IL1RAPL1: variants seen among roughly 807,000 people sequenced by gnomAD.
IL1RAPL1 encodes the protein interleukin-1 receptor accessory protein-like 1.
Under a neutral mutation model 48.4 loss-of-function variants are expected in IL1RAPL1, and 3 were observed. That is an observed-to-expected ratio of 0.06 (90% CI 0.03 to 0.16). IL1RAPL1 has a LOEUF of 0.16. IL1RAPL1 is among the 10% of genes least tolerant of loss of function. IL1RAPL1 has a pLI of 1.00. For synonymous variants in IL1RAPL1, 185 were observed against 187.7 expected (o/e 0.99, Z 0.12); for missense variants, 349 against 530.6 (o/e 0.66, Z 3.36).
chrX:29,582,348 TC>T (rs202181141), intron 5 of IL1RAPL1, among the ~76,000 whole-genome samples: 228 of 74,421 alleles, frequency 3.1e-3, no homozygotes, highest in South Asian at 0.02. Flanking sequence ...AAAGATAGCA[TC>T]TTTTTTTTTT....
At position 29,932,389 on chromosome X, in the gene IL1RAPL1, G is replaced by T. The variant is rs190817574; in HGVS notation, c.1058-9262G>T. On this transcript the variant is annotated intron_variant, in intron 8 of 10. Coordinates refer to ENST00000378993, the MANE Select transcript of IL1RAPL1 (RefSeq NM_014271.4). ...GTACTGACCTAACTTTGCGAAACCT[G>T]GTTTAATGGGTTCCATGAATCCGCA... Among the ~76,000 whole-genome samples the T allele has an allele frequency of 3.1e-4, 35 of 112,112 alleles. No individual in the cohort carries two copies. The East Asian group carries it at 3.6e-3, about 12-fold the overall frequency.
chrX:29,906,513 ATATATAT>A (rs1236760435), intron 6 of IL1RAPL1, among the ~76,000 whole-genome samples: 3 of 37,261 alleles, frequency 8.1e-5, no homozygotes, highest in Non-Finnish European at 1.4e-4. Context: ...ATATATATAT[ATATATAT>A]ATTTCTGTAG....
At chrX:28,757,395 T>G (rs144093058) in intron 1 of IL1RAPL1, among the ~76,000 whole-genome samples, 218 of 112,676 alleles carry the variant, frequency 1.9e-3, no homozygotes, top group African/African-American at 6.7e-3. Context: ...AATCACAGCT[T>G]GATTTATTTC....
At chrX:28,948,734 T>G (rs913519539) in intron 2 of IL1RAPL1, among the ~76,000 whole-genome samples, 4 of 111,302 alleles carry the variant, frequency 3.6e-5, no homozygotes, top group Non-Finnish European at 7.5e-5. Flanking sequence ...CCTCCTTATC[T>G]GCATGATACA....
rs147549557 is a variant in IL1RAPL1, at chrX:28,763,971, C to T, written c.-24-25349C>T. 6.3e-3 allele frequency among the ~76,000 whole-genome samples: 691 copies of T among 110,288 alleles called. 9 individuals carry two copies. The highest frequency in any genetic ancestry group is 0.022 in the African/African-American group (669 of 30,244). On this transcript the variant is annotated intron_variant, in intron 1 of 10. Transcript: ENST00000378993. ...TATCTCAAGGATAATTTTGAGTATG[C>T]CCTATTTTCATATTTCATACCAATT...
chrX:29,289,044 T>C (rs755505019), intron 3 of IL1RAPL1, among the ~76,000 whole-genome samples: 2 of 112,157 alleles, frequency 1.8e-5, no homozygotes, highest in Non-Finnish European at 3.8e-5. Flanking sequence ...TTAAGTTCCT[T>C]GTAGACTCTG....
Position 28,835,560 on chromosome X carries a change from A to G in IL1RAPL1, c.82+46135A>G, listed in dbSNP as rs186001276. On this transcript the variant is annotated intron_variant, in intron 2 of 10. Transcript: ENST00000378993. ...AATTCTATGTTTTGAAAGCTTTTATAGAGGAATGACAAAATCAGAGCTTTA... is the reference window on the plus strand; with the variant it reads ...AATTCTATGTTTTGAAAGCTTTTATGGAGGAATGACAAAATCAGAGCTTTA... Among the ~76,000 whole-genome samples the G allele has an allele frequency of 3.6e-5, 4 of 111,460 alleles. No homozygotes were observed. In the Admixed American group the frequency reaches 3.8e-4, roughly 11 times the overall value.
At chrX:29,670,450 A>G (rs190370724) in intron 6 of IL1RAPL1, among the ~76,000 whole-genome samples, 41 of 111,981 alleles carry the variant, frequency 3.7e-4, no homozygotes, top group Middle Eastern at 4.7e-3. Flanking sequence ...TATTTTAAGC[A>G]ACTTTTATTT....
chrX:29,619,349 A>G (rs1204604001), intron 5 of IL1RAPL1, among the ~76,000 whole-genome samples: 1 of 111,605 alleles, frequency 9.0e-6, no homozygotes, highest in Non-Finnish European at 1.9e-5. Flanking sequence ...CCCAACCCCA[A>G]TAATCATTTC....
At chrX:29,954,479 T>C (rs759458437) in intron 9 of IL1RAPL1, 43 bp from the exon 10 acceptor site, 10 of 1,073,121 alleles carry the variant, frequency 9.3e-6, no homozygotes, top group Admixed American at 2.2e-5. Context: ...TTGTTATCTT[T>C]GTAGAGTAGT....
intron 6 of IL1RAPL1, among the ~76,000 whole-genome samples, chrX:29,763,214 CTT>C (rs1337998823): frequency 9.0e-6 from 1 of 110,579 alleles, no homozygotes; most frequent in African/African-American, 3.3e-5. Flanking sequence ...CTCTTACTCT[CTT>C]TTGGCATTGA....
chrX:28,688,830 G>A (rs1935143194), intron 1 of IL1RAPL1, among the ~76,000 whole-genome samples: 1 of 110,819 alleles, frequency 9.0e-6, no homozygotes, highest in Non-Finnish European at 1.9e-5. Flanking sequence ...ACATTGTGCA[G>A]CCATTCAGAG....
intron 1 of IL1RAPL1, among the ~76,000 whole-genome samples, chrX:28,750,547 T>G (rs1473700971): frequency 1.8e-5 from 2 of 111,808 alleles, no homozygotes; most frequent in Non-Finnish European, 3.8e-5. Flanking sequence ...ATAGTTATAT[T>G]TATATCATAT....
intron 2 of IL1RAPL1, among the ~76,000 whole-genome samples, chrX:29,024,852 A>G (rs990118071): frequency 2.7e-4 from 30 of 111,673 alleles, no homozygotes; most frequent in African/African-American, 8.8e-4. Context: ...TATAATTCAA[A>G]GGTTCTAATA....
chrX:29,464,914 C>T, intron 5 of IL1RAPL1, among the ~76,000 whole-genome samples: 1 of 110,977 alleles, frequency 9.0e-6, no homozygotes. Context: ...GAACAAGGGC[C>T]TACTTTAAGA....
intron 5 of IL1RAPL1, among the ~76,000 whole-genome samples, chrX:29,645,233 A>G (rs900194976): frequency 3.6e-5 from 4 of 111,755 alleles, no homozygotes; most frequent in Non-Finnish European, 7.5e-5. Flanking sequence ...CTCTCCAGCC[A>G]TTGTCTCCCT....
At chrX:28,771,808 A>G (rs1199973673) in intron 1 of IL1RAPL1, among the ~76,000 whole-genome samples, 2 of 110,636 alleles carry the variant, frequency 1.8e-5, no homozygotes, top group African/African-American at 3.3e-5. Flanking sequence ...GAAAATTGCT[A>G]GAGACCCAGC....
intron 6 of IL1RAPL1, among the ~76,000 whole-genome samples, chrX:29,841,903 C>A (rs939376762): frequency 1.3e-4 from 15 of 111,829 alleles, no homozygotes; most frequent in African/African-American, 4.9e-4. Context: ...GGATACGGAA[C>A]AAGATCAACA....
intron 2 of IL1RAPL1, among the ~76,000 whole-genome samples, chrX:28,951,766 AC>A (rs1243745469): frequency 8.9e-6 from 1 of 112,016 alleles, no homozygotes; most frequent in Non-Finnish European, 1.9e-5. Flanking sequence ...AATGTAGTTC[AC>A]TATAGTGGAG....
Sources: allele counts gnomAD v4.1 joint callset (sites outside exome capture counted in the v4.1 genomes callset), GRCh38; gene constraint gnomAD v4.1.1; transcripts MANE v1.5; gene names NCBI Gene and HGNC (gene_info 2026-07-23, HGNC 2026-07-21).